XPA: variants seen among roughly 807,000 people sequenced by gnomAD.
The protein encoded by XPA is XPA, DNA damage recognition and repair factor.
In XPA, 27 loss-of-function variants were observed where a neutral mutation model predicts 35.7. The observed-to-expected ratio is 0.76, with a 90% CI of 0.56 to 1.04. The LOEUF (loss-of-function observed/expected upper bound fraction) is 1.04, where lower values mean the gene tolerates loss of function less well. Among genes scored for constraint, XPA ranks in the 50% least tolerant of loss-of-function variants. XPA has a pLI of 0.00. For synonymous variants in XPA, 133 were observed against 118.4 expected, an observed-to-expected ratio of 1.12 and a Z score of -0.80; for missense variants, 354 against 342.7, an observed-to-expected ratio of 1.03 and a Z score of -0.26.
chr9:97,654,957 C>G, the XPA span: 3 of 1,564,112 alleles, frequency 1.9e-6, no homozygotes, highest in Non-Finnish European at 2.6e-6. Flanking sequence ...ACAGTAATCG[C>G]TTTACTGCTG....
At chr9:97,673,487 C>T (rs1460101598), downstream of XPA, 2 of 152,204 alleles carry the variant, frequency 1.3e-5, no homozygotes, top group Non-Finnish European at 2.9e-5. Flanking sequence ...GTCCTCTCTT[C>T]ATGTATAATG....
intron 4 of XPA, among the ~76,000 whole-genome samples, chr9:97,685,296 T>A (rs1165695487): frequency 6.6e-6 from 1 of 152,220 alleles, no homozygotes; most frequent in Non-Finnish European, 1.5e-5. Flanking sequence ...TCTGACTGTA[T>A]TGTCACAGGA....
downstream of XPA, among the ~76,000 whole-genome samples, chr9:97,673,982 G>A (rs935146613): frequency 2.0e-5 from 3 of 152,116 alleles, no homozygotes; most frequent in African/African-American, 7.2e-5. Context: ...TATGTGCCAG[G>A]TGCTATAGGT....
At chr9:97,661,484 C>A in the XPA span, among the ~76,000 whole-genome samples, 1 of 151,966 alleles carries the variant, frequency 6.6e-6, no homozygotes, top group African/African-American at 2.4e-5. Context: ...TTTTTCTGGG[C>A]AAGAGTGGGA....
At chr9:97,669,313 T>C in the XPA span, among the ~76,000 whole-genome samples, 2 of 152,198 alleles carry the variant, frequency 1.3e-5, no homozygotes, top group African/African-American at 4.8e-5. Context: ...CCTGTTAAAA[T>C]TTCTGATTAC....
intron 2 of XPA, among the ~76,000 whole-genome samples, chr9:97,692,179 T>C (rs989557044): frequency 6.6e-6 from 1 of 151,526 alleles, no homozygotes; most frequent in African/African-American, 2.4e-5. Context: ...TAATCCCAGC[T>C]ACTCGGGAGG....
chr9:97,671,108 A>T (rs775998628), downstream of XPA: 23 of 1,612,186 alleles, frequency 1.4e-5, no homozygotes, highest in Non-Finnish European at 1.9e-5. Flanking sequence ...ATCCAGCAGT[A>T]CATGGTGACC....
At chr9:97,675,866 A>C in intron 5 of XPA, 4 of 487,084 alleles carry the variant, frequency 8.2e-6, no homozygotes, top group Non-Finnish European at 1.5e-5. Flanking sequence ...GCAAAACAGA[A>C]CCATATTCAG....
chr9:97,693,668 T>C lies in XPA; in HGVS notation c.264A>G (p.Gly88=). 6.2e-7 allele frequency: 1 copy of C among 1,613,648 alleles called. No individual in the cohort carries two copies. The highest frequency in any genetic ancestry group is 8.5e-7 in the Non-Finnish European group (1 of 1,179,930). The part of the protein sequence containing the change: ...EEEEEEEQKI[G]KVVHQPGPVM... ...CTTTACCTGGTTGATGAACAACTTTTCCAATTTTCTGTTCTTCTTCTTCTT... is the reference window on the plus strand; with the variant it reads ...CTTTACCTGGTTGATGAACAACTTTCCCAATTTTCTGTTCTTCTTCTTCTT... The change falls in exon 2 of 6, where the codon GGA becomes GGG. Residue 88 remains glycine (G), a synonymous_variant. Transcript: ENST00000375128.
intron 3 of XPA, among the ~76,000 whole-genome samples, chr9:97,687,871 C>T (rs1475813097): frequency 6.6e-6 from 1 of 152,090 alleles, no homozygotes; most frequent in East Asian, 1.9e-4. Context: ...GGAATTAATA[C>T]ACACAGGAGA....
chr9:97,685,863 T>C (rs1357228708), intron 4 of XPA, among the ~76,000 whole-genome samples: 1 of 152,220 alleles, frequency 6.6e-6, no homozygotes, highest in African/African-American at 2.4e-5. Flanking sequence ...GGACTCTGAA[T>C]GTAAAGTTTA....
intron 1 of XPA, among the ~76,000 whole-genome samples, chr9:97,695,126 G>C (rs1829003376): frequency 2.0e-5 from 3 of 152,344 alleles, no homozygotes; most frequent in African/African-American, 4.8e-5. Flanking sequence ...TAAGGTTCCG[G>C]AAGTGTACAT....
chr9:97,656,748 A>G, the XPA span, among the ~76,000 whole-genome samples: 1 of 152,102 alleles, frequency 6.6e-6, no homozygotes, highest in Admixed American at 6.5e-5. Flanking sequence ...CTTTGAGAAT[A>G]AGCTGCATAC....
At chr9:97,692,205 C>T (rs897176076) in intron 2 of XPA, among the ~76,000 whole-genome samples, 2 of 151,714 alleles carry the variant, frequency 1.3e-5, no homozygotes, top group Non-Finnish European at 2.9e-5. Flanking sequence ...GCAGGAGAAT[C>T]GCTTGAACCC....
Position 97,697,206 on chromosome 9 carries a change from C to G in XPA, c.87G>C (p.Glu29Asp), listed in dbSNP as rs1318340274. Residue 29 changes from glutamate (E) to aspartate (D), a missense_variant, in exon 1 of 6, where the codon GAG becomes GAC. By Grantham distance (45) the Glu-to-Asp change is conservative. Coordinates refer to ENST00000375128, the MANE Select transcript of XPA (RefSeq NM_000380.4). Reference protein sequence around the residue: ...ELPASVRASIERKRQRALMLR... With the variant: ...ELPASVRASIDRKRQRALMLR... ...GCATCAGTGCCCGCTGCCGCTTCCGCTCGATACTCGCCCGCACCGAGGCAG... is the reference window on the plus strand; with the variant it reads ...GCATCAGTGCCCGCTGCCGCTTCCGGTCGATACTCGCCCGCACCGAGGCAG... The G allele has an allele frequency of 1.9e-6, 3 of 1,600,550 alleles. No homozygotes were observed. The highest frequency in any genetic ancestry group is 2.5e-6 in the Non-Finnish European group (3 of 1,178,316).
rs760613920 is a variant in XPA, at chr9:97,697,204, C to T, written c.89G>A (p.Arg30Gln). Residue 30 changes from arginine (R) to glutamine (Q), a missense_variant, in exon 1 of 6, where the codon CGG becomes CAG. Arg to Gln is a conservative substitution (Grantham distance 43). Coordinates refer to ENST00000375128, the MANE Select transcript of XPA (RefSeq NM_000380.4). The part of the protein sequence containing the change: ...LPASVRASIE[R>Q]KRQRALMLRQ... ...CAGCATCAGTGCCCGCTGCCGCTTCCGCTCGATACTCGCCCGCACCGAGGC... is the reference window on the plus strand; with the variant it reads ...CAGCATCAGTGCCCGCTGCCGCTTCTGCTCGATACTCGCCCGCACCGAGGC... 8.7e-6 allele frequency: 14 copies of T among 1,600,258 alleles called. No individual in the cohort carries two copies. In the Admixed American group the frequency reaches 1.0e-4, roughly 11 times the overall value.
At chr9:97,668,670 T>G in the XPA span, among the ~76,000 whole-genome samples, 1 of 151,910 alleles carries the variant, frequency 6.6e-6, no homozygotes. Flanking sequence ...ACAGTGTCTC[T>G]GAACCACAAC....
the XPA span, chr9:97,669,625 A>G: frequency 6.2e-7 from 1 of 1,612,500 alleles, no homozygotes; most frequent in Non-Finnish European, 8.5e-7. Context: ...AGCACCTAGT[A>G]CGATGCGAAA....
intron 5 of XPA, among the ~76,000 whole-genome samples, chr9:97,683,251 T>C (rs1024103618): frequency 2.0e-5 from 3 of 152,178 alleles, no homozygotes; most frequent in Admixed American, 6.6e-5. Flanking sequence ...TTCGCACCTC[T>C]TAAAATGCCT....
Sources: gnomAD v4.1 joint callset for allele counts (sites outside exome capture counted in the v4.1 genomes callset) on GRCh38, gnomAD v4.1.1 for gene constraint, MANE v1.5 for transcripts, NCBI Gene and HGNC (gene_info 2026-07-23, HGNC 2026-07-21) for gene names.